ABI2: variants seen among roughly 807,000 people sequenced by gnomAD.
ABI2 encodes the protein abelson interactor 2.
In ABI2, 25 loss-of-function variants were observed where a neutral mutation model predicts 59.2. The ratio of observed to expected loss-of-function variants is 0.42; its 90% CI spans 0.31 to 0.59. The LOEUF (loss-of-function observed/expected upper bound fraction) is 0.59. ABI2 is among the 20% of genes least tolerant of loss of function. ABI2 has a pLI of 0.14. For missense variants in ABI2, 545 were observed against 681.8 expected (o/e 0.80, Z 2.23); for synonymous variants, 213 against 235.5 (o/e 0.90, Z 0.87).
chr2:203,385,052 C>G (rs1051145558), intron 4 of ABI2, among the ~76,000 whole-genome samples: 2 of 151,636 alleles, frequency 1.3e-5, no homozygotes, highest in African/African-American at 4.8e-5. Context: ...CCAGGTTGGT[C>G]TCAAACTCCT....
intron 1 of ABI2, 118 bp downstream of exon 1, chr2:203,328,749 T>A: frequency 1.9e-6 from 1 of 531,608 alleles, no homozygotes; most frequent in Non-Finnish European, 3.2e-6. Context: ...CCGATGGGGG[T>A]GGGGAGCTGG....
chr2:203,340,235 G>GTGGGGAGAAA lies in ABI2; in HGVS notation c.117+11613_117+11622dup, dbSNP rs1472036363. Among the ~76,000 whole-genome samples the GTGGGGAGAAA allele has an allele frequency of 5.9e-5, 9 of 152,360 alleles. No individual in the cohort carries two copies. In the East Asian group the frequency reaches 1.7e-3, roughly 29 times the overall value. ...ATTATCGGCCAAGGGCCGTTGGGAGGTGGGGAGAAATGGGGAGATGTTAGT... is the reference window on the plus strand; with the variant it reads ...ATTATCGGCCAAGGGCCGTTGGGAGGTGGGGAGAAATGGGGAGAAATGGGGAGATGTTAGT... On this transcript the variant is annotated intron_variant, in intron 1 of 11. Transcript: ENST00000261018.
intron 1 of ABI2, among the ~76,000 whole-genome samples, chr2:203,362,292 G>T (rs1276989050): frequency 6.6e-6 from 1 of 152,014 alleles, no homozygotes; most frequent in East Asian, 1.9e-4. Context: ...AATTATAAGA[G>T]GAATATATAA....
Position 203,332,809 on chromosome 2 carries a change from C to T in ABI2, c.117+4178C>T, listed in dbSNP as rs150845904. ...TGTTACTTCCCTGAAATCTGAAAAGCCAACTTGTTGATATGTACGTTTTTC... is the reference window on the plus strand; with the variant it reads ...TGTTACTTCCCTGAAATCTGAAAAGTCAACTTGTTGATATGTACGTTTTTC... On this transcript the variant is annotated intron_variant, in intron 1 of 11. Transcript: ENST00000261018. Among the ~76,000 whole-genome samples, 49 of 152,182 alleles carry T rather than the reference C, an allele frequency of 3.2e-4. 1 individual carries two copies. Among genetic ancestry groups the T allele is most frequent in the Middle Eastern group, 3.4e-3 (1 of 294 alleles).
At chr2:203,338,997 T>TATATATAA (rs2078260974) in intron 1 of ABI2, among the ~76,000 whole-genome samples, 1 of 70,838 alleles carries the variant, frequency 1.4e-5, no homozygotes, top group South Asian at 4.7e-4. Flanking sequence ...TATATATATA[T>TATATATAA]ATATATATAT....
At chr2:203,329,972 A>C (rs1025882166) in intron 1 of ABI2, among the ~76,000 whole-genome samples, 2 of 152,038 alleles carry the variant, frequency 1.3e-5, no homozygotes, top group African/African-American at 4.8e-5. Context: ...CCTGACTTCA[A>C]GTCATCCACC....
At chr2:203,363,483 ACCTC>A (rs1245473112) in intron 1 of ABI2, among the ~76,000 whole-genome samples, 1 of 136,894 alleles carries the variant, frequency 7.3e-6, no homozygotes, top group East Asian at 2.1e-4. Context: ...CCACTCCCCT[ACCTC>A]CCTATCTTTC....
intron 2 of ABI2, chr2:203,367,269 A>G: frequency 2.0e-6 from 1 of 490,390 alleles, no homozygotes; most frequent in Non-Finnish European, 3.0e-6. Context: ...ATTAAAACTC[A>G]GTTGTCATGG....
intron 1 of ABI2, among the ~76,000 whole-genome samples, chr2:203,329,506 A>G (rs1388394774): frequency 2.0e-5 from 3 of 151,938 alleles, no homozygotes; most frequent in Non-Finnish European, 4.4e-5. Flanking sequence ...TTCTTTAAAA[A>G]TTACTTGAAA....
At chr2:203,418,641 T>G (rs1385949054) in intron 11 of ABI2, among the ~76,000 whole-genome samples, 1 of 152,252 alleles carries the variant, frequency 6.6e-6, no homozygotes, top group East Asian at 1.9e-4. Context: ...AGCAAGACAC[T>G]AGTCCTTTTT....
At chr2:203,344,840 C>T (rs776232178) in intron 1 of ABI2, among the ~76,000 whole-genome samples, 1 of 152,114 alleles carries the variant, frequency 6.6e-6, no homozygotes, top group African/African-American at 2.4e-5. Flanking sequence ...TTTGTAAAAA[C>T]GCACCAGTCA....
chr2:203,376,659 T>A (rs950448522), intron 2 of ABI2, among the ~76,000 whole-genome samples: 1 of 152,148 alleles, frequency 6.6e-6, no homozygotes, highest in Non-Finnish European at 1.5e-5. Context: ...AGTGCCAATT[T>A]TTTTGCTCTA....
chr2:203,384,441 G>T (rs1275582094), intron 4 of ABI2, among the ~76,000 whole-genome samples: 1 of 151,694 alleles, frequency 6.6e-6, no homozygotes, highest in Non-Finnish European at 1.5e-5. Flanking sequence ...TGAGTAGTTG[G>T]TACTACATGT....
chr2:203,405,461 G>A (rs1240895828), intron 9 of ABI2, among the ~76,000 whole-genome samples: 1 of 152,020 alleles, frequency 6.6e-6, no homozygotes, highest in African/African-American at 2.4e-5. Context: ...GAGGCAGAAC[G>A]ATTGGTTGAA....
intron 1 of ABI2, among the ~76,000 whole-genome samples, chr2:203,345,928 C>A (rs1458564638): frequency 2.6e-5 from 4 of 151,454 alleles, no homozygotes; most frequent in Non-Finnish European, 5.9e-5. Context: ...GCCTGTAATC[C>A]CAGCACTTTA....
intron 8 of ABI2, among the ~76,000 whole-genome samples, chr2:203,398,016 C>T (rs767399321): frequency 6.6e-6 from 1 of 152,188 alleles, no homozygotes; most frequent in African/African-American, 2.4e-5. Context: ...GACACAGATT[C>T]AAAGCATATC....
intron 1 of ABI2, among the ~76,000 whole-genome samples, chr2:203,360,186 A>G: frequency 5.9e-5 from 1 of 16,958 alleles, no homozygotes; most frequent in East Asian, 4.9e-4. Context: ...CTCCATCTCA[A>G]AAAAAAAAAA....
chr2:203,333,812 G>A (rs565899483), intron 1 of ABI2, among the ~76,000 whole-genome samples: 37 of 152,112 alleles, frequency 2.4e-4, no homozygotes, highest in African/African-American at 8.0e-4. Context: ...CATAATTTCC[G>A]TTATTGATCC....
rs756558806 is a variant in ABI2 at position 203,366,863 on chromosome 2, G to GT, written c.118-6dup. 105 of 1,524,784 alleles carry GT rather than the reference G, an allele frequency of 6.9e-5. No individual in the cohort carries two copies. Among genetic ancestry groups the GT allele is most frequent in the Middle Eastern group, 1.8e-4 (1 of 5,674 alleles). The allele number at this position is 1,524,784 out of a possible 1,614,324, so 94.5% of individuals were successfully genotyped here. On this transcript the variant is annotated splice_polypyrimidine_tract_variant and intron_variant, in intron 1 of 11. Coordinates refer to ENST00000261018, the MANE Select transcript of ABI2 (RefSeq NM_001375670.1). ...TTTTTGAATTAATGATCACTGGTTTGTTTTTTTTCCCAGTCAGCAGATAAG... is the reference window on the plus strand; with the variant it reads ...TTTTTGAATTAATGATCACTGGTTTGTTTTTTTTTCCCAGTCAGCAGATAAG...
Sources: allele counts gnomAD v4.1 joint callset (sites outside exome capture counted in the v4.1 genomes callset), GRCh38; gene constraint gnomAD v4.1.1; transcripts MANE v1.5; gene names NCBI Gene and HGNC (gene_info 2026-07-23, HGNC 2026-07-21).